The following FHIT variants were observed in gnomAD, a reference collection of about 807,000 sequenced individuals.
The protein encoded by FHIT is bis(5'-adenosyl)-triphosphatase.
In FHIT, 19 loss-of-function variants were observed where a neutral mutation model predicts 17.9. The ratio of observed to expected loss-of-function variants is 1.06; its 90% CI spans 0.74 to 1.56. The LOEUF (loss-of-function observed/expected upper bound fraction) is 1.56, where lower values mean the gene tolerates loss of function less well. FHIT is among the 40% of genes most tolerant of loss of function. The pLI is 0.00. For missense variants in FHIT, 248 were observed against 189.2 expected, an observed-to-expected ratio of 1.31 and a Z score of -1.82; for synonymous variants, 81 against 69.7, an observed-to-expected ratio of 1.16 and a Z score of -0.81.
chr3:60,928,410 T>C (rs1005826449), intron 3 of FHIT, among the ~76,000 whole-genome samples: 4 of 144,256 alleles, frequency 2.8e-5, no homozygotes, highest in Non-Finnish European at 4.5e-5. Flanking sequence ...TAGCCAGGCA[T>C]GGTGGAGTAT....
chr3:59,978,962 G>A (rs1475639957), intron 7 of FHIT, among the ~76,000 whole-genome samples: 1 of 152,030 alleles, frequency 6.6e-6, no homozygotes, highest in African/African-American at 2.4e-5. Context: ...AAAAGTGAGT[G>A]TGAACCTAAC....
Position 60,443,180 on chromosome 3 carries a change from C to T in FHIT, c.103+93680G>A, listed in dbSNP as rs573527139. Among the ~76,000 whole-genome samples, 127 of 152,234 alleles carry T rather than the reference C, an allele frequency of 8.3e-4. 1 individual carries two copies. Among genetic ancestry groups the T allele is most frequent in the African/African-American group, 1.8e-3 (74 of 41,530 alleles). On this transcript the variant is annotated intron_variant, in intron 5 of 9. Coordinates refer to ENST00000492590, the MANE Select transcript of FHIT (RefSeq NM_002012.4). ...AGCTTAAGGAGATTTTGGGCTGAGA[C>T]GATGGGGTTTTCTAGATATACAATC... is the stretch of plus-strand genomic sequence containing the variant.
chr3:60,648,638 T>C (rs1481091505), intron 4 of FHIT, among the ~76,000 whole-genome samples: 1 of 152,210 alleles, frequency 6.6e-6, no homozygotes, highest in African/African-American at 2.4e-5. Context: ...TGTTACTTGA[T>C]GAAGCATCGC....
intron 2 of FHIT, among the ~76,000 whole-genome samples, chr3:61,148,095 G>C (rs2107033398): frequency 6.6e-6 from 1 of 150,960 alleles, no homozygotes; most frequent in East Asian, 1.9e-4. Flanking sequence ...CTGGAAGAAA[G>C]TTATTTATGT....
chr3:60,947,205 A>G (rs1553775945), intron 3 of FHIT, among the ~76,000 whole-genome samples: 2 of 152,140 alleles, frequency 1.3e-5, no homozygotes, highest in African/African-American at 4.8e-5. Flanking sequence ...AGGATTCCAA[A>G]AATTCATTTT....
intron 5 of FHIT, among the ~76,000 whole-genome samples, chr3:60,022,311 C>T (rs941652972): frequency 6.6e-6 from 1 of 152,156 alleles, no homozygotes; most frequent in Non-Finnish European, 1.5e-5. Context: ...ATATGGCAGT[C>T]ATTAGTGCTG....
intron 2 of FHIT, among the ~76,000 whole-genome samples, chr3:61,181,826 A>C (rs1395293129): frequency 6.6e-6 from 1 of 152,228 alleles, no homozygotes; most frequent in Non-Finnish European, 1.5e-5. Context: ...AAAATGGTTC[A>C]GGAATAGATT....
chr3:60,586,807 A>T (rs566982821), intron 4 of FHIT, among the ~76,000 whole-genome samples: 1 of 152,134 alleles, frequency 6.6e-6, no homozygotes, highest in East Asian at 1.9e-4. Context: ...ACTCATGGAT[A>T]CAAAGAGGCG....
At chr3:60,501,414 A>T (rs2034520802) in intron 5 of FHIT, among the ~76,000 whole-genome samples, 1 of 152,146 alleles carries the variant, frequency 6.6e-6, no homozygotes, top group Admixed American at 6.5e-5. Flanking sequence ...TTTTTCTTTT[A>T]AAAGATCCAA....
chr3:59,773,731 C>A (rs912417938), intron 8 of FHIT, among the ~76,000 whole-genome samples: 2 of 152,118 alleles, frequency 1.3e-5, no homozygotes, highest in East Asian at 3.9e-4. Context: ...ACCAACATCA[C>A]CTGGCGGCTT....
intron 8 of FHIT, among the ~76,000 whole-genome samples, chr3:59,807,122 G>A (rs941577022): frequency 3.3e-5 from 5 of 152,142 alleles, no homozygotes; most frequent in Non-Finnish European, 5.9e-5. Flanking sequence ...CTCTATGAGA[G>A]CAAAATAAGA....
intron 5 of FHIT, among the ~76,000 whole-genome samples, chr3:60,082,621 G>A (rs967376395): frequency 1.3e-5 from 2 of 151,926 alleles, no homozygotes; most frequent in Admixed American, 6.6e-5. Context: ...CTTTCTCCAC[G>A]GTTTCACCAG....
chr3:61,004,547 C>T (rs1233590912), intron 3 of FHIT, among the ~76,000 whole-genome samples: 1 of 152,168 alleles, frequency 6.6e-6, no homozygotes, highest in Non-Finnish European at 1.5e-5. Context: ...GAGCACTGAC[C>T]AGAACTTGGA....
chr3:60,890,985 T>C (rs1374471575), intron 3 of FHIT, among the ~76,000 whole-genome samples: 2 of 152,196 alleles, frequency 1.3e-5, no homozygotes, highest in African/African-American at 4.8e-5. Flanking sequence ...CGTCAATAGG[T>C]TGAAGATCTC....
chr3:60,241,479 A>C (rs1475358794), intron 5 of FHIT, among the ~76,000 whole-genome samples: 2 of 152,152 alleles, frequency 1.3e-5, no homozygotes, highest in Non-Finnish European at 2.9e-5. Flanking sequence ...ACATGCATTT[A>C]TTATAATGGG....
At chr3:60,965,582 G>A (rs1445312329) in intron 3 of FHIT, among the ~76,000 whole-genome samples, 6 of 152,110 alleles carry the variant, frequency 3.9e-5, no homozygotes, top group African/African-American at 1.4e-4. Context: ...ATCTATCTTT[G>A]GTCTTTGATG....
intron 4 of FHIT, among the ~76,000 whole-genome samples, chr3:60,597,797 A>G (rs1281201815): frequency 2.0e-5 from 3 of 152,196 alleles, no homozygotes; most frequent in African/African-American, 7.2e-5. Flanking sequence ...ACCCTGTTTT[A>G]AAGTTCAAAA....
chr3:60,568,942 A>G (rs2037239820), intron 4 of FHIT, among the ~76,000 whole-genome samples: 1 of 152,068 alleles, frequency 6.6e-6, no homozygotes, highest in Non-Finnish European at 1.5e-5. Flanking sequence ...TTTTTTCAAG[A>G]AAACACATTT....
chr3:59,865,721 T>A (rs1702615596), intron 8 of FHIT, among the ~76,000 whole-genome samples: 1 of 152,158 alleles, frequency 6.6e-6, no homozygotes. Flanking sequence ...TGATTCACAG[T>A]GGGGCTTACC....
Sources: gnomAD v4.1 joint callset for allele counts (sites outside exome capture counted in the v4.1 genomes callset) on GRCh38, gnomAD v4.1.1 for gene constraint, MANE v1.5 for transcripts, NCBI Gene and HGNC (gene_info 2026-07-23, HGNC 2026-07-21) for gene names.